FAM110B: variants seen among roughly 807,000 people sequenced by gnomAD.
The protein encoded by FAM110B is protein FAM110B.
FAM110B carries 6 observed loss-of-function variants against 20.4 expected under a neutral mutation model. The ratio of observed to expected loss-of-function variants is 0.29; its 90% CI spans 0.16 to 0.58. The LOEUF (loss-of-function observed/expected upper bound fraction) is 0.58, where lower values mean the gene tolerates loss of function less well. FAM110B is among the 20% of genes least tolerant of loss of function. The pLI, the probability that FAM110B is intolerant of heterozygous loss-of-function variation, is 0.90. For synonymous variants in FAM110B, 226 were observed against 214.1 expected (o/e 1.06, Z -0.49); for missense variants, 434 against 498.2 (o/e 0.87, Z 1.23).
At chr8:58,017,706 T>C (rs1425629030) in intron 1 of FAM110B, among the ~76,000 whole-genome samples, 4 of 152,262 alleles carry the variant, frequency 2.6e-5, no homozygotes, top group Non-Finnish European at 5.9e-5. Context: ...TGAAGAAAGA[T>C]ATCCACAAGC....
At chr8:58,108,718 A>G (rs903490185) in intron 3 of FAM110B, among the ~76,000 whole-genome samples, 2 of 152,164 alleles carry the variant, frequency 1.3e-5, no homozygotes, top group Admixed American at 6.5e-5. Context: ...CCCCATATTC[A>G]TGGGTTATGA....
At chr8:58,022,607 TAAAA>T (rs1275970942) in intron 1 of FAM110B, among the ~76,000 whole-genome samples, 1 of 152,188 alleles carries the variant, frequency 6.6e-6, no homozygotes, top group Non-Finnish European at 1.5e-5. Flanking sequence ...TTTCAGCCTT[TAAAA>T]AAAGTATCCA....
chr8:58,012,896 T>C (rs1226879489), intron 1 of FAM110B, among the ~76,000 whole-genome samples: 1 of 152,156 alleles, frequency 6.6e-6, no homozygotes, highest in Non-Finnish European at 1.5e-5. Context: ...GTTCTTCCCT[T>C]TCCTGGAATC....
At chr8:58,110,901 A>G (rs1216675094) in intron 3 of FAM110B, among the ~76,000 whole-genome samples, 1 of 152,170 alleles carries the variant, frequency 6.6e-6, no homozygotes, top group African/African-American at 2.4e-5. Context: ...AATAGCTGTG[A>G]AAGGTGTTAT....
chr8:58,025,075 C>T (rs1327821761), intron 1 of FAM110B, among the ~76,000 whole-genome samples: 3 of 152,182 alleles, frequency 2.0e-5, no homozygotes, highest in Non-Finnish European at 4.4e-5. Flanking sequence ...TCAAAAATAT[C>T]TATGAAGTGT....
chr8:58,129,503 A>T (rs1807596876), intron 3 of FAM110B, among the ~76,000 whole-genome samples: 1 of 152,200 alleles, frequency 6.6e-6, no homozygotes, highest in Non-Finnish European at 1.5e-5. Context: ...CCCTGTTGGT[A>T]GTATTTTAGC....
intron 3 of FAM110B, among the ~76,000 whole-genome samples, chr8:58,087,146 A>G (rs988111785): frequency 6.6e-6 from 1 of 152,212 alleles, no homozygotes; most frequent in African/African-American, 2.4e-5. Flanking sequence ...TTTTCAGCAC[A>G]TTAGATTTTC....
At chr8:58,041,005 G>T (rs887233001) in intron 2 of FAM110B, among the ~76,000 whole-genome samples, 20 of 142,462 alleles carry the variant, frequency 1.4e-4, no homozygotes, top group African/African-American at 5.0e-4. Flanking sequence ...GCAGTGGCGC[G>T]ATCTTGGCTC....
chr8:58,059,862 A>G (rs1234778184), intron 2 of FAM110B, among the ~76,000 whole-genome samples: 1 of 152,108 alleles, frequency 6.6e-6, no homozygotes, highest in Non-Finnish European at 1.5e-5. Flanking sequence ...GATGCTCTAT[A>G]GTTTTAGTTT....
intron 2 of FAM110B, among the ~76,000 whole-genome samples, chr8:58,059,356 G>A (rs1805612597): frequency 6.6e-6 from 1 of 152,162 alleles, no homozygotes; most frequent in African/African-American, 2.4e-5. Flanking sequence ...ATAAGAAATG[G>A]TCAAAGAAGC....
chr8:58,145,218 T>G (rs1206120109), intron 3 of FAM110B, among the ~76,000 whole-genome samples: 1 of 152,188 alleles, frequency 6.6e-6, no homozygotes. Flanking sequence ...AATAAGCTTG[T>G]GTTTAATGGG....
intron 1 of FAM110B, among the ~76,000 whole-genome samples, chr8:58,021,509 A>T (rs144589028): frequency 3.9e-4 from 59 of 152,280 alleles, no homozygotes; most frequent in African/African-American, 1.3e-3. Context: ...ACTACTACTT[A>T]TGGTTTAAAT....
chr8:58,126,366 A>G (rs1055287746), intron 3 of FAM110B, among the ~76,000 whole-genome samples: 1 of 152,184 alleles, frequency 6.6e-6, no homozygotes, highest in Non-Finnish European at 1.5e-5. Context: ...ACAACTGTGT[A>G]TAGTTTTTGT....
intron 1 of FAM110B, among the ~76,000 whole-genome samples, chr8:58,012,151 T>C (rs752224838): frequency 1.3e-5 from 2 of 152,232 alleles, no homozygotes; most frequent in African/African-American, 4.8e-5. Flanking sequence ...GAGGTGAAAC[T>C]ATAGCAGGTT....
At chr8:58,049,644 T>C (rs1805399958) in intron 2 of FAM110B, among the ~76,000 whole-genome samples, 1 of 152,200 alleles carries the variant, frequency 6.6e-6, no homozygotes, top group Non-Finnish European at 1.5e-5. Context: ...ACCACTAATA[T>C]TGTACTGATT....
intron 2 of FAM110B, among the ~76,000 whole-genome samples, chr8:58,044,401 A>G (rs1463420283): frequency 6.6e-6 from 1 of 152,250 alleles, no homozygotes; most frequent in African/African-American, 2.4e-5. Context: ...CATGCTTTAT[A>G]GGCTTACCTC....
At chr8:57,997,946 G>A (rs1194324786) in intron 1 of FAM110B, among the ~76,000 whole-genome samples, 1 of 152,154 alleles carries the variant, frequency 6.6e-6, no homozygotes, top group African/African-American at 2.4e-5. Flanking sequence ...CTAATATGTA[G>A]CAAGGTGTGT....
chr8:57,995,209 C>G (rs1039781721), intron 1 of FAM110B, among the ~76,000 whole-genome samples: 10 of 152,020 alleles, frequency 6.6e-5, no homozygotes, highest in African/African-American at 2.2e-4. Flanking sequence ...AGCGCGCCGC[C>G]GGTTGCTGCT....
At chr8:58,070,305 A>G (rs939748864) in intron 2 of FAM110B, 1 of 152,256 alleles carries the variant, frequency 6.6e-6, no homozygotes, top group Non-Finnish European at 1.5e-5. Context: ...CGCCCGACAG[A>G]AGGCGTTTGT....
Sources: allele counts gnomAD v4.1 joint callset (sites outside exome capture counted in the v4.1 genomes callset), GRCh38; gene constraint gnomAD v4.1.1; transcripts MANE v1.5; gene names NCBI Gene and HGNC (gene_info 2026-07-23, HGNC 2026-07-21).